The following CNTN4 variants were observed in gnomAD, a reference collection of about 807,000 sequenced individuals.
CNTN4 encodes the protein contactin 4.
In CNTN4, 77 loss-of-function variants were observed where a neutral mutation model predicts 122.5. The observed-to-expected ratio is 0.63, with a 90% CI of 0.52 to 0.76. The LOEUF is 0.76. Among genes scored for constraint, CNTN4 ranks in the 30% least tolerant of loss-of-function variants. The pLI, the probability that CNTN4 is intolerant of heterozygous loss-of-function variation, is 0.00. For missense variants in CNTN4, 1,256 were observed against 1,259.1 expected, an observed-to-expected ratio of 1.00 and a Z score of 0.04; for synonymous variants, 512 against 447.0, an observed-to-expected ratio of 1.15 and a Z score of -1.83.
In CNTN4 at chr3:2,410,423, G is replaced by T. The variant is rs768820199; in HGVS notation, c.-89+71190G>T. On this transcript the variant is annotated intron_variant, in intron 3 of 24. Transcript: ENST00000418658. ...TAATAAAGACAATGGCTTTCTATTC[G>T]TCCACTTTACCACATCAGGCAGTGG... 8.1e-4 allele frequency among the ~76,000 whole-genome samples: 123 copies of T among 151,982 alleles called. 1 individual carries two copies. Among genetic ancestry groups the T allele is most frequent in the Non-Finnish European group, 1.0e-4 (7 of 67,990 alleles).
intron 12 of CNTN4, among the ~76,000 whole-genome samples, chr3:2,913,269 A>G (rs1440347610): frequency 6.6e-6 from 1 of 152,248 alleles, no homozygotes; most frequent in East Asian, 1.9e-4. Flanking sequence ...CAAGATACAT[A>G]AAACAAATGA....
intron 6 of CNTN4, among the ~76,000 whole-genome samples, chr3:2,787,473 C>G (rs2091873070): frequency 6.6e-6 from 1 of 152,140 alleles, no homozygotes; most frequent in Admixed American, 6.5e-5. Context: ...ATATAGTGAT[C>G]ATTACATACC....
chr3:2,697,905 G>C (rs2086135640), intron 4 of CNTN4, among the ~76,000 whole-genome samples: 1 of 152,054 alleles, frequency 6.6e-6, no homozygotes, highest in East Asian at 1.9e-4. Flanking sequence ...ACTTTAAACT[G>C]ATTGGATGAG....
chr3:2,294,774 C>A (rs2042248309), intron 2 of CNTN4, among the ~76,000 whole-genome samples: 1 of 151,994 alleles, frequency 6.6e-6, no homozygotes, highest in Admixed American at 6.6e-5. Flanking sequence ...TGTGCTGCAC[C>A]CATTAACTCG....
intron 4 of CNTN4, among the ~76,000 whole-genome samples, chr3:2,710,686 T>C (rs542306030): frequency 2.8e-4 from 43 of 152,356 alleles, no homozygotes; most frequent in African/African-American, 9.6e-4. Context: ...ATTAATTAAA[T>C]GCTTCACTTC....
At chr3:2,534,856 G>A (rs557771870) in intron 3 of CNTN4, among the ~76,000 whole-genome samples, 3 of 68,614 alleles carry the variant, frequency 4.4e-5, no homozygotes, top group Middle Eastern at 7.9e-3. Context: ...TTGTTGCTGC[G>A]GTTGTTGTGG....
intron 2 of CNTN4, among the ~76,000 whole-genome samples, chr3:2,180,733 G>A (rs1021646784): frequency 6.6e-6 from 1 of 151,940 alleles, no homozygotes; most frequent in African/African-American, 2.4e-5. Flanking sequence ...TGACTATCAC[G>A]CACACTTACA....
intron 13 of CNTN4, among the ~76,000 whole-genome samples, chr3:2,951,427 G>A (rs1285566667): frequency 6.6e-6 from 1 of 152,224 alleles, no homozygotes; most frequent in Non-Finnish European, 1.5e-5. Context: ...AGAAGGCGGA[G>A]CACAGACTGT....
intron 5 of CNTN4, among the ~76,000 whole-genome samples, chr3:2,741,789 C>T (rs1474474287): frequency 6.6e-6 from 1 of 152,188 alleles, no homozygotes; most frequent in African/African-American, 2.4e-5. Flanking sequence ...TGTTTTCCCC[C>T]AAACTGTGAC....
intron 4 of CNTN4, among the ~76,000 whole-genome samples, chr3:2,653,190 T>C (rs2083442486): frequency 6.6e-6 from 1 of 152,160 alleles, no homozygotes; most frequent in African/African-American, 2.4e-5. Context: ...ATCTCCACAA[T>C]TTTTAAAAAT....
chr3:2,787,290 C>T (rs1466934455), intron 6 of CNTN4, among the ~76,000 whole-genome samples: 1 of 151,812 alleles, frequency 6.6e-6, no homozygotes, highest in African/African-American at 2.4e-5. Context: ...GCAGGAGAAT[C>T]ACTTGAGTCC....
At chr3:2,922,608 A>ATTTTTTTTTTTTT (rs547782541) in intron 12 of CNTN4, among the ~76,000 whole-genome samples, 1 of 110,016 alleles carries the variant, frequency 9.1e-6, no homozygotes, top group Non-Finnish European at 1.8e-5. Flanking sequence ...AAAGAACTTG[A>ATTTTTTTTTTTTT]TTTTTTTTTT....
intron 6 of CNTN4, among the ~76,000 whole-genome samples, chr3:2,763,254 C>T (rs142337923): frequency 0.019 from 2,819 of 152,162 alleles, 33 homozygotes; most frequent in South Asian, 0.045. Flanking sequence ...TGATGTTGAG[C>T]TTTTTTATAT....
At chr3:2,689,749 C>T (rs2085625873) in intron 4 of CNTN4, among the ~76,000 whole-genome samples, 2 of 152,042 alleles carry the variant, frequency 1.3e-5, no homozygotes, top group Admixed American at 1.3e-4. Context: ...AGTGCTCTGG[C>T]CCCAGTTTCC....
intron 4 of CNTN4, among the ~76,000 whole-genome samples, chr3:2,687,836 T>G (rs2085516173): frequency 6.6e-6 from 1 of 152,122 alleles, no homozygotes; most frequent in Non-Finnish European, 1.5e-5. Context: ...TACCAATTAT[T>G]TATTCATTTT....
intron 13 of CNTN4, among the ~76,000 whole-genome samples, chr3:2,968,408 G>A (rs574630495): frequency 5.3e-5 from 8 of 152,310 alleles, no homozygotes; most frequent in South Asian, 4.1e-4. Flanking sequence ...CACAGACAAA[G>A]TGAGGTGAAG....
At chr3:2,758,619 A>G (rs1201904231) in intron 6 of CNTN4, among the ~76,000 whole-genome samples, 1 of 146,854 alleles carries the variant, frequency 6.8e-6, no homozygotes, top group African/African-American at 2.5e-5. Flanking sequence ...CTATTCGCCT[A>G]CCTCAGCTTC....
At chr3:2,889,893 C>G (rs1179079782) in intron 10 of CNTN4, among the ~76,000 whole-genome samples, 1 of 152,204 alleles carries the variant, frequency 6.6e-6, no homozygotes, top group African/African-American at 2.4e-5. Context: ...GGAAAATCAA[C>G]TTTGTCACTG....
intron 3 of CNTN4, among the ~76,000 whole-genome samples, chr3:2,357,478 C>T (rs963465287): frequency 6.6e-6 from 1 of 152,172 alleles, no homozygotes; most frequent in East Asian, 1.9e-4. Flanking sequence ...AATTCACTAT[C>T]GCTGTCTAGT....
Sources: allele counts gnomAD v4.1 joint callset (sites outside exome capture counted in the v4.1 genomes callset), GRCh38; gene constraint gnomAD v4.1.1; transcripts MANE v1.5; gene names NCBI Gene and HGNC (gene_info 2026-07-23, HGNC 2026-07-21).